Variants in FHIT observed in about 807,000 individuals in gnomAD.
The protein encoded by FHIT is fragile histidine triad diadenosine triphosphatase.
FHIT carries 19 observed loss-of-function variants against 17.9 expected under a neutral mutation model. The ratio of observed to expected loss-of-function variants is 1.06; its 90% CI spans 0.74 to 1.56. The LOEUF (loss-of-function observed/expected upper bound fraction) is 1.56, where lower values mean the gene tolerates loss of function less well. Ranked by LOEUF, FHIT falls within the 40% of genes most tolerant of loss-of-function variation. The pLI, the probability that FHIT is intolerant of heterozygous loss-of-function variation, is 0.00. For missense variants in FHIT, 248 were observed against 189.2 expected (o/e 1.31, Z -1.82); for synonymous variants, 81 against 69.7 (o/e 1.16, Z -0.81).
rs77802294 is a variant in FHIT, at chr3:60,144,939, T to G, written c.104-130787A>C. Among the ~76,000 whole-genome samples the G allele has an allele frequency of 4.5e-3, 687 of 152,280 alleles. 7 individuals carry two copies. Among genetic ancestry groups the G allele is most frequent in the African/African-American group, 0.016 (647 of 41,562 alleles). On this transcript the variant is annotated intron_variant, in intron 5 of 9. Transcript: ENST00000492590. ...ATATTATGCCAAATAGAAAGCACTTTTTGTAAATAAAGGGCGTGTGATGCA... is the reference window on the plus strand; with the variant it reads ...ATATTATGCCAAATAGAAAGCACTTGTTGTAAATAAAGGGCGTGTGATGCA...
chr3:60,180,694 A>G (rs1012431818), intron 5 of FHIT, among the ~76,000 whole-genome samples: 2 of 152,192 alleles, frequency 1.3e-5, no homozygotes, highest in African/African-American at 4.8e-5. Context: ...GTCTTCCTTT[A>G]TAATTTGACG....
At chr3:59,961,854 A>T (rs985699107) in intron 7 of FHIT, among the ~76,000 whole-genome samples, 2 of 152,122 alleles carry the variant, frequency 1.3e-5, no homozygotes, top group African/African-American at 4.8e-5. Flanking sequence ...AGCTGTTCCT[A>T]TTCGGCCATC....
At chr3:59,776,879 T>C (rs1408416227) in intron 8 of FHIT, among the ~76,000 whole-genome samples, 2 of 152,176 alleles carry the variant, frequency 1.3e-5, no homozygotes, top group African/African-American at 4.8e-5. Flanking sequence ...AGTAGCAGAA[T>C]TTATTGACAA....
intron 4 of FHIT, among the ~76,000 whole-genome samples, chr3:60,672,929 A>G (rs2040543670): frequency 9.0e-6 from 1 of 110,722 alleles, no homozygotes; most frequent in African/African-American, 3.1e-5. Context: ...TAGGACTAAC[A>G]ATATGCATCC....
intron 3 of FHIT, among the ~76,000 whole-genome samples, chr3:60,902,620 T>C (rs562070503): frequency 2.0e-5 from 3 of 152,320 alleles, no homozygotes; most frequent in Middle Eastern, 3.4e-3. Context: ...AAGTTACTGA[T>C]GGTATAATGG....
intron 4 of FHIT, among the ~76,000 whole-genome samples, chr3:60,537,929 C>G (rs1009881973): frequency 2.0e-5 from 3 of 148,696 alleles, no homozygotes; most frequent in Admixed American, 6.8e-5. Flanking sequence ...GAAAGGATTA[C>G]AAAAAGGATG....
chr3:61,031,858 T>C (rs1448217670), intron 3 of FHIT, among the ~76,000 whole-genome samples: 1 of 152,176 alleles, frequency 6.6e-6, no homozygotes, highest in Admixed American at 6.5e-5. Context: ...CCACCAACTG[T>C]GATCCAGCCA....
intron 5 of FHIT, among the ~76,000 whole-genome samples, chr3:60,473,803 G>T (rs575455866): frequency 6.6e-6 from 1 of 152,024 alleles, no homozygotes; most frequent in East Asian, 1.9e-4. Context: ...CACCTGTATA[G>T]TCCCAGCTAC....
intron 3 of FHIT, chr3:60,856,643 C>A (rs1703399115): frequency 6.6e-6 from 1 of 152,044 alleles, no homozygotes; most frequent in South Asian, 2.1e-4. Context: ...TTTCCTGTTC[C>A]CACTCTGCCC....
chr3:60,077,212 CCG>C (rs1703049354), intron 5 of FHIT, among the ~76,000 whole-genome samples: 1 of 151,858 alleles, frequency 6.6e-6, no homozygotes, highest in South Asian at 2.1e-4. Flanking sequence ...GAAAGCATCA[CCG>C]TGAATTCATA....
intron 2 of FHIT, among the ~76,000 whole-genome samples, chr3:61,124,089 T>C (rs1260082734): frequency 6.6e-6 from 1 of 152,192 alleles, no homozygotes; most frequent in Non-Finnish European, 1.5e-5. Flanking sequence ...GAAAGAATTG[T>C]ATTTTTTCCT....
intron 8 of FHIT, among the ~76,000 whole-genome samples, chr3:59,768,833 C>G (rs913563885): frequency 6.6e-6 from 1 of 152,212 alleles, no homozygotes; most frequent in Non-Finnish European, 1.5e-5. Context: ...GAGGCAGGAA[C>G]AGATACACAT....
intron 5 of FHIT, among the ~76,000 whole-genome samples, chr3:60,125,758 C>G (rs139494422): frequency 2.6e-5 from 4 of 151,908 alleles, no homozygotes; most frequent in Admixed American, 2.6e-4. Context: ...TAGAGACACT[C>G]GGGAGGACTG....
At chr3:60,911,437 CAT>C (rs1265864534) in intron 3 of FHIT, among the ~76,000 whole-genome samples, 22 of 151,562 alleles carry the variant, frequency 1.5e-4, no homozygotes, top group Admixed American at 6.6e-5. Context: ...TTTTCATCAT[CAT>C]GTGATTTCAG....
intron 5 of FHIT, among the ~76,000 whole-genome samples, chr3:60,142,134 A>T (rs1490594271): frequency 2.0e-5 from 3 of 152,220 alleles, no homozygotes; most frequent in African/African-American, 4.8e-5. Flanking sequence ...AAAGCAGTAT[A>T]ACTAACTGGT....
At chr3:60,109,434 GA>G (rs5849328) in intron 5 of FHIT, among the ~76,000 whole-genome samples, 15,953 of 151,158 alleles carry the variant, frequency 0.11, 1,531 homozygotes, top group East Asian at 0.43. Flanking sequence ...TTAGGGAACG[GA>G]AAAAAAAATT....
intron 5 of FHIT, among the ~76,000 whole-genome samples, chr3:60,368,122 G>A (rs12486873): frequency 0.091 from 13,622 of 150,278 alleles, 898 homozygotes; most frequent in East Asian, 0.26. Context: ...CAAAACTTCT[G>A]TGGATACATA....
intron 5 of FHIT, among the ~76,000 whole-genome samples, chr3:60,290,810 T>C (rs1252486502): frequency 6.6e-6 from 1 of 151,908 alleles, no homozygotes; most frequent in East Asian, 1.9e-4. Context: ...AACAGAGATC[T>C]GACACAATAG....
At chr3:59,950,095 G>A (rs951261952) in intron 7 of FHIT, among the ~76,000 whole-genome samples, 4 of 152,126 alleles carry the variant, frequency 2.6e-5, no homozygotes, top group African/African-American at 4.8e-5. Context: ...ATTGTGAGAT[G>A]AGGAAATGAA....
Sources: allele counts gnomAD v4.1 joint callset (sites outside exome capture counted in the v4.1 genomes callset), GRCh38; gene constraint gnomAD v4.1.1; transcripts MANE v1.5; gene names NCBI Gene and HGNC (gene_info 2026-07-23, HGNC 2026-07-21).